PCBP3: variants seen among roughly 807,000 people sequenced by gnomAD.
The protein encoded by PCBP3 is poly(rC) binding protein 3, also known as poly(rC)-binding protein 3.
A neutral mutation model predicts 52.7 loss-of-function variants in PCBP3; 25 were observed. The ratio of observed to expected loss-of-function variants is 0.47; its 90% CI spans 0.35 to 0.66. PCBP3 has a LOEUF of 0.66. Ranked by LOEUF, PCBP3 falls within the 30% of genes least tolerant of loss-of-function variation. The pLI, the probability that PCBP3 is intolerant of heterozygous loss-of-function variation, is 0.01. For synonymous variants in PCBP3, 162 were observed against 183.0 expected, an observed-to-expected ratio of 0.89 and a Z score of 0.93; for missense variants, 391 against 490.3, an observed-to-expected ratio of 0.80 and a Z score of 1.91.
At chr21:45,658,447 G>A (rs754301497) in intron 1 of PCBP3, among the ~76,000 whole-genome samples, 1 of 152,134 alleles carries the variant, frequency 6.6e-6, no homozygotes, top group Non-Finnish European at 1.5e-5. Context: ...GGGATGACAG[G>A]TGCGTGCCAC....
At chr21:45,739,006 G>T (rs1232187688) in intron 3 of PCBP3, among the ~76,000 whole-genome samples, 6 of 98,414 alleles carry the variant, frequency 6.1e-5, no homozygotes, top group African/African-American at 8.3e-5. Context: ...CCTGTCCACG[G>T]TCCTCTGGGT....
At chr21:45,924,118 G>A (rs77601603) in intron 13 of PCBP3, among the ~76,000 whole-genome samples, 1,648 of 29,052 alleles carry the variant, frequency 0.057, 223 homozygotes, top group Middle Eastern at 0.083. Flanking sequence ...AGTCGAGTGG[G>A]TAGAAACAGC....
intron 5 of PCBP3, among the ~76,000 whole-genome samples, chr21:45,857,617 A>G (rs2094351328): frequency 6.6e-6 from 1 of 151,884 alleles, no homozygotes; most frequent in African/African-American, 2.4e-5. Context: ...AGCAGAGCAC[A>G]CCTCACTATA....
At chr21:45,676,540 C>CT (rs2081478153) in intron 2 of PCBP3, among the ~76,000 whole-genome samples, 1 of 152,032 alleles carries the variant, frequency 6.6e-6, no homozygotes, top group Non-Finnish European at 1.5e-5. Flanking sequence ...TATCTGTGGT[C>CT]AGCGATCTTT....
At chr21:45,818,462 G>A (rs985409583) in intron 4 of PCBP3, among the ~76,000 whole-genome samples, 70 of 152,098 alleles carry the variant, frequency 4.6e-4, no homozygotes, top group African/African-American at 1.6e-3. Context: ...TGCGCTTCAC[G>A]TACTCACTCC....
At chr21:45,840,172 G>A (rs1390891981) in intron 4 of PCBP3, among the ~76,000 whole-genome samples, 1 of 151,860 alleles carries the variant, frequency 6.6e-6, no homozygotes, top group Non-Finnish European at 1.5e-5. Context: ...GTTACAGTAG[G>A]CTGGGCACGG....
At chr21:45,893,950 C>T (rs1184045475) in intron 5 of PCBP3, 1 of 985,514 alleles carries the variant, frequency 1.0e-6, no homozygotes, top group South Asian at 4.7e-5. Context: ...CCAGTGTTAG[C>T]TGGGAAGGAC....
At chr21:45,657,996 G>C (rs1329961812) in intron 1 of PCBP3, among the ~76,000 whole-genome samples, 2 of 152,124 alleles carry the variant, frequency 1.3e-5, no homozygotes, top group Non-Finnish European at 2.9e-5. Flanking sequence ...CTTATCTTAG[G>C]GGGAAAGCTT....
At chr21:45,742,784 C>G (rs553992737) in intron 3 of PCBP3, among the ~76,000 whole-genome samples, 1 of 152,258 alleles carries the variant, frequency 6.6e-6, no homozygotes, top group South Asian at 2.1e-4. Context: ...TCTGAATTCT[C>G]TAATTGACCT....
At chr21:45,730,217 G>A (rs891228769) in intron 2 of PCBP3, among the ~76,000 whole-genome samples, 3 of 151,700 alleles carry the variant, frequency 2.0e-5, no homozygotes, top group African/African-American at 7.3e-5. Flanking sequence ...ATTTTGATAT[G>A]TAGTGTTTTC....
intron 4 of PCBP3, among the ~76,000 whole-genome samples, chr21:45,769,041 A>G (rs1435839370): frequency 6.6e-6 from 1 of 152,212 alleles, no homozygotes; most frequent in African/African-American, 2.4e-5. Flanking sequence ...TACCAGAAGT[A>G]AGGTTCAGGC....
chr21:45,834,922 C>T (rs751260841), intron 4 of PCBP3, among the ~76,000 whole-genome samples: 6 of 152,226 alleles, frequency 3.9e-5, no homozygotes, highest in Non-Finnish European at 7.3e-5. Flanking sequence ...GGGGAGGCAC[C>T]GTGAGTCCCT....
intron 5 of PCBP3, among the ~76,000 whole-genome samples, chr21:45,888,627 A>T (rs1173153962): frequency 6.6e-6 from 1 of 152,254 alleles, no homozygotes; most frequent in African/African-American, 2.4e-5. Context: ...TCCTCCCGCC[A>T]GCCTCCTGTG....
At chr21:45,874,414 A>G (rs1202837896) in intron 5 of PCBP3, among the ~76,000 whole-genome samples, 1 of 151,952 alleles carries the variant, frequency 6.6e-6, no homozygotes, top group Admixed American at 6.6e-5. Flanking sequence ...TATAATTTCT[A>G]CATAGAGGTT....
chr21:45,774,580 G>A (rs549268008), intron 4 of PCBP3, among the ~76,000 whole-genome samples: 7 of 152,034 alleles, frequency 4.6e-5, no homozygotes, highest in Non-Finnish European at 8.8e-5. Context: ...GTGAAAGTAC[G>A]TATCTTTATC....
At chr21:45,912,503 A>G (rs1214651944) in intron 11 of PCBP3, among the ~76,000 whole-genome samples, 3 of 152,082 alleles carry the variant, frequency 2.0e-5, no homozygotes, top group Non-Finnish European at 4.4e-5. Context: ...GAGATGACGG[A>G]GGAAAGGGCT....
chr21:45,701,508 T>G (rs1201535152), intron 2 of PCBP3, among the ~76,000 whole-genome samples: 1 of 152,256 alleles, frequency 6.6e-6, no homozygotes, highest in Non-Finnish European at 1.5e-5. Flanking sequence ...TCATTTACAA[T>G]AATAATGAAC....
chr21:45,894,127 G>A, intron 5 of PCBP3: 5 of 706,126 alleles, frequency 7.1e-6, no homozygotes, highest in Non-Finnish European at 8.7e-6. Context: ...GTCCTCTGGG[G>A]CTCTGGGCAC....
chr21:45,763,201 G>A (rs1273584675), intron 4 of PCBP3: 2 of 152,256 alleles, frequency 1.3e-5, no homozygotes, highest in Non-Finnish European at 2.9e-5. Flanking sequence ...CCCTACATGG[G>A]GCATGCTTTG....
Sources: allele counts gnomAD v4.1 joint callset (sites outside exome capture counted in the v4.1 genomes callset), GRCh38; gene constraint gnomAD v4.1.1; transcripts MANE v1.5; gene names NCBI Gene and HGNC (gene_info 2026-07-23, HGNC 2026-07-21).